Variants in BICD1 observed in about 807,000 individuals in gnomAD.
BICD1 encodes BICD cargo adaptor 1.
In BICD1, 35 loss-of-function variants were observed where a neutral mutation model predicts 92.5. The ratio of observed to expected loss-of-function variants is 0.38; its 90% CI spans 0.29 to 0.50. The LOEUF (loss-of-function observed/expected upper bound fraction) is 0.50. BICD1 is among the 20% of genes least tolerant of loss of function. The pLI is 0.93. For missense variants in BICD1, 950 were observed against 1,189.8 expected, an observed-to-expected ratio of 0.80 and a Z score of 2.97; for synonymous variants, 429 against 465.1, an observed-to-expected ratio of 0.92 and a Z score of 1.00.
At chr12:32,236,493 C>T (rs545266504) in intron 2 of BICD1, among the ~76,000 whole-genome samples, 1 of 152,238 alleles carries the variant, frequency 6.6e-6, no homozygotes, top group East Asian at 1.9e-4. Context: ...TCTTTCTCCT[C>T]CTCCTCAGAC....
intron 1 of BICD1, among the ~76,000 whole-genome samples, chr12:32,154,544 C>G (rs950608540): frequency 6.6e-6 from 1 of 152,232 alleles, no homozygotes; most frequent in African/African-American, 2.4e-5. Context: ...GTCTCCTTAT[C>G]TGTCACATTC....
intron 2 of BICD1, among the ~76,000 whole-genome samples, chr12:32,233,519 G>A (rs927072388): frequency 1.4e-5 from 2 of 147,106 alleles, no homozygotes; most frequent in African/African-American, 2.5e-5. Context: ...CCTCCCTCCC[G>A]TTCTTCCCCC....
intron 1 of BICD1, among the ~76,000 whole-genome samples, chr12:32,126,877 C>T (rs1280094362): frequency 6.6e-6 from 1 of 152,206 alleles, no homozygotes; most frequent in African/African-American, 2.4e-5. Flanking sequence ...CCTTGTGGCT[C>T]TAGTTTGCAT....
intron 2 of BICD1, among the ~76,000 whole-genome samples, chr12:32,253,402 C>G (rs756278914): frequency 1.9e-4 from 29 of 152,126 alleles, no homozygotes; most frequent in Non-Finnish European, 3.8e-4. Context: ...CTGGACTTCT[C>G]TAACAGCATT....
chr12:32,334,804 G>T, intron 6 of BICD1, 137 bp downstream of exon 6: 1 of 953,840 alleles, frequency 1.0e-6, no homozygotes, highest in East Asian at 2.8e-5. Flanking sequence ...ATCTGTGGAA[G>T]TCCACTCTGA....
intron 4 of BICD1, among the ~76,000 whole-genome samples, chr12:32,312,580 C>T (rs1248616875): frequency 6.6e-6 from 1 of 152,114 alleles, no homozygotes; most frequent in Non-Finnish European, 1.5e-5. Flanking sequence ...AAGCCTGTAT[C>T]TAAATTAGGG....
In BICD1 at chr12:32,193,925, GATGAAC is replaced by G. The variant is rs1324294087; in HGVS notation, c.214-22319_214-22314del. On this transcript the variant is annotated intron_variant, in intron 1 of 9. Transcript: ENST00000652176. ...AAGAAAATTCCAGATCAGTATCACT[GATGAAC>G]ATAGATGCAAAAGTTCTCAACAAAA... Among the ~76,000 whole-genome samples the G allele has an allele frequency of 5.9e-5, 9 of 152,282 alleles. No individual in the cohort carries two copies. In the South Asian group the frequency reaches 1.5e-3, roughly 25 times the overall value.
At chr12:32,160,877 A>G (rs988855976) in intron 1 of BICD1, among the ~76,000 whole-genome samples, 17 of 152,200 alleles carry the variant, frequency 1.1e-4, no homozygotes, top group African/African-American at 3.9e-4. Flanking sequence ...TAATATTTCA[A>G]TTGTACTTAA....
chr12:32,109,416 T>C (rs897945139), intron 1 of BICD1: 1 of 152,156 alleles, frequency 6.6e-6, no homozygotes, highest in Non-Finnish European at 1.5e-5. Context: ...AAACTACCTG[T>C]ATTAGTTTCA....
At chr12:32,299,589 C>T (rs1947975516) in intron 3 of BICD1, among the ~76,000 whole-genome samples, 1 of 152,136 alleles carries the variant, frequency 6.6e-6, no homozygotes, top group African/African-American at 2.4e-5. Context: ...CAGGGCCAGG[C>T]ACGGTGGCTC....
At chr12:32,161,896 T>C (rs1463387808) in intron 1 of BICD1, among the ~76,000 whole-genome samples, 7 of 152,166 alleles carry the variant, frequency 4.6e-5, no homozygotes, top group Admixed American at 3.3e-4. Flanking sequence ...TTTTCTCATA[T>C]TGGGAAGCTG....
intron 1 of BICD1, among the ~76,000 whole-genome samples, chr12:32,115,643 G>A (rs1026606811): frequency 2.0e-5 from 3 of 152,178 alleles, no homozygotes; most frequent in African/African-American, 7.2e-5. Context: ...TGGATGGTAA[G>A]TGAAAGAGGA....
intron 8 of BICD1, among the ~76,000 whole-genome samples, chr12:32,351,177 A>AC (rs1938854987): frequency 6.6e-6 from 1 of 151,570 alleles, no homozygotes; most frequent in African/African-American, 2.4e-5. Flanking sequence ...AAAAAAAAAA[A>AC]AAACTTCCAT....
intron 1 of BICD1, among the ~76,000 whole-genome samples, chr12:32,162,549 A>C (rs1483625906): frequency 2.0e-5 from 3 of 152,228 alleles, no homozygotes; most frequent in Admixed American, 2.0e-4. Flanking sequence ...TTGAGGAATA[A>C]ATAAGAAAAA....
chr12:32,122,889 G>A (rs992885363), intron 1 of BICD1, among the ~76,000 whole-genome samples: 18 of 152,208 alleles, frequency 1.2e-4, no homozygotes, highest in African/African-American at 3.9e-4. Context: ...GGATTTCAAA[G>A]TAATGCTGTG....
At chr12:32,306,268 G>A in intron 4 of BICD1, 146 bp downstream of exon 4, 4 of 996,610 alleles carry the variant, frequency 4.0e-6, no homozygotes, top group Non-Finnish European at 5.7e-6. Flanking sequence ...TTTCGAGACA[G>A]AGTCTTGCTC....
chr12:32,189,225 C>T (rs1049729994), intron 1 of BICD1, among the ~76,000 whole-genome samples: 10 of 152,154 alleles, frequency 6.6e-5, no homozygotes, highest in Non-Finnish European at 2.9e-5. Flanking sequence ...GGAGGAATAA[C>T]CCTGAGAAAT....
intron 1 of BICD1, among the ~76,000 whole-genome samples, chr12:32,132,944 C>T (rs1172076321): frequency 6.6e-6 from 1 of 151,988 alleles, no homozygotes. Context: ...TGATCTGATT[C>T]AGGGTATATG....
At chr12:32,117,969 C>T (rs369756008) in intron 1 of BICD1, among the ~76,000 whole-genome samples, 16 of 151,448 alleles carry the variant, frequency 1.1e-4, no homozygotes, top group African/African-American at 3.1e-4. Flanking sequence ...AGGCTGGTCG[C>T]GAACTCCTGA....
Sources: gnomAD v4.1 joint callset for allele counts (sites outside exome capture counted in the v4.1 genomes callset) on GRCh38, gnomAD v4.1.1 for gene constraint, MANE v1.5 for transcripts, NCBI Gene and HGNC (gene_info 2026-07-23, HGNC 2026-07-21) for gene names.